The following ARL3 variants were observed in gnomAD, a reference collection of about 807,000 sequenced individuals.
The protein encoded by ARL3 is ADP-ribosylation factor-like protein 3.
A neutral mutation model predicts 26.0 loss-of-function variants in ARL3; 9 were observed. The observed-to-expected ratio is 0.35, with a 90% CI of 0.21 to 0.60. The LOEUF is 0.60. ARL3 is among the 20% of genes least tolerant of loss of function. The pLI, the probability that ARL3 is intolerant of heterozygous loss-of-function variation, is 0.78. For missense variants in ARL3, 158 were observed against 215.7 expected, an observed-to-expected ratio of 0.73 and a Z score of 1.67; for synonymous variants, 71 against 78.4, an observed-to-expected ratio of 0.91 and a Z score of 0.50.
chr10:102,693,997 AT>A (rs944647781), intron 3 of ARL3, among the ~76,000 whole-genome samples: 1 of 150,632 alleles, frequency 6.6e-6, no homozygotes, highest in African/African-American at 2.4e-5. Context: ...ATTTTTATTT[AT>A]TTTTTTTGAG....
At chr10:102,682,653 C>T (rs920124447) in intron 5 of ARL3, among the ~76,000 whole-genome samples, 15 of 152,232 alleles carry the variant, frequency 9.9e-5, no homozygotes, top group African/African-American at 2.9e-4. Context: ...AGCTCCATGG[C>T]TGTTTCCTTA....
intron 1 of ARL3, among the ~76,000 whole-genome samples, chr10:102,706,252 C>T (rs1253372414): frequency 1.3e-5 from 2 of 152,194 alleles, no homozygotes; most frequent in South Asian, 2.1e-4. Flanking sequence ...GAGATCGAGA[C>T]CATCCTGGCT....
chr10:102,714,282 G>A lies in ARL3; in HGVS notation c.-7C>T. On this transcript the variant is annotated 5_prime_UTR_variant, in exon 1 of 6. Transcript: ENST00000260746. ...AGGCCCCCACACTCACCATCCTCCC[G>A]CCGAGTCCCTCCTCCTCCTCCTCCT... is the stretch of plus-strand genomic sequence containing the variant. The A allele has an allele frequency of 7.6e-7, 1 of 1,312,702 alleles. No homozygotes were observed. Among genetic ancestry groups the A allele is most frequent in the Non-Finnish European group, 9.8e-7 (1 of 1,022,314 alleles). The allele number at this position is 1,312,702 out of a possible 1,614,324, so 81.3% of individuals were successfully genotyped here.
intron 5 of ARL3, among the ~76,000 whole-genome samples, chr10:102,682,765 T>C (rs2064161917): frequency 6.6e-6 from 1 of 152,260 alleles, no homozygotes; most frequent in Non-Finnish European, 1.5e-5. Context: ...CTTTAAACAC[T>C]TGAAACTGCA....
At chr10:102,701,977 G>A (rs2064281967) in intron 2 of ARL3, among the ~76,000 whole-genome samples, 1 of 148,626 alleles carries the variant, frequency 6.7e-6, no homozygotes, top group South Asian at 2.1e-4. Context: ...GAGCCCAGGA[G>A]TTCAAGGCCA....
At chr10:102,682,116 A>T (rs1035292521) in intron 5 of ARL3, among the ~76,000 whole-genome samples, 1 of 152,170 alleles carries the variant, frequency 6.6e-6, no homozygotes, top group African/African-American at 2.4e-5. Flanking sequence ...CACTTCCTCC[A>T]TGTTGATAAT....
intron 1 of ARL3, among the ~76,000 whole-genome samples, chr10:102,711,034 A>T (rs1231613341): frequency 6.6e-6 from 1 of 152,240 alleles, no homozygotes; most frequent in African/African-American, 2.4e-5. Flanking sequence ...CGAAGCCAAC[A>T]GTCAAGTACA....
At chr10:102,690,824 A>G (rs747090429) in intron 3 of ARL3, among the ~76,000 whole-genome samples, 66 of 151,754 alleles carry the variant, frequency 4.3e-4, no homozygotes, top group Non-Finnish European at 8.8e-4. Context: ...GATGTTCTCA[A>G]TGTCGTCTTC....
intron 2 of ARL3, among the ~76,000 whole-genome samples, chr10:102,703,808 G>C (rs2064294007): frequency 1.3e-5 from 2 of 151,888 alleles, no homozygotes. Flanking sequence ...TGCTTTGCTT[G>C]CTTGCCCTTT....
At chr10:102,700,479 T>C (rs2064274054) in intron 2 of ARL3, among the ~76,000 whole-genome samples, 1 of 151,210 alleles carries the variant, frequency 6.6e-6, no homozygotes, top group Admixed American at 6.6e-5. Flanking sequence ...TTCATTTTTT[T>C]TTTGAGACAG....
intron 1 of ARL3, among the ~76,000 whole-genome samples, chr10:102,706,695 A>G (rs2064312721): frequency 1.3e-5 from 2 of 151,796 alleles, no homozygotes; most frequent in African/African-American, 2.4e-5. Context: ...TGTTAATCTA[A>G]TATTTCCCTC....
rs2064131639 is a variant in ARL3, at chr10:102,676,526, C to CT, written c.*367dup. 5.8e-6 allele frequency: 1 copy of CT among 172,596 alleles called. No homozygotes were observed. The highest frequency in any genetic ancestry group is 1.2e-5 in the Non-Finnish European group (1 of 81,606). The allele number at this position is 172,596 out of a possible 1,614,324, so 10.7% of individuals were successfully genotyped here. A position where few individuals can be genotyped will look rare whatever the true frequency, so the allele number is the denominator to read the frequency against. On this transcript the variant is annotated 3_prime_UTR_variant, in exon 6 of 6. Transcript: ENST00000260746. ...GAACTCAGCAAAGCTGCTTCTTCCT[C>CT]TTTTTCTTTTTCTTTTTTTTTTTTT...
intron 3 of ARL3, among the ~76,000 whole-genome samples, chr10:102,695,853 T>C (rs1373001908): frequency 6.6e-6 from 1 of 152,014 alleles, no homozygotes; most frequent in Non-Finnish European, 1.5e-5. Flanking sequence ...TATTTTTTTG[T>C]TTTTTTCTGA....
chr10:102,684,143 TTCTC>T (rs796377756), intron 5 of ARL3, among the ~76,000 whole-genome samples: 2 of 152,186 alleles, frequency 1.3e-5, no homozygotes, highest in East Asian at 1.9e-4. Context: ...GCTCTCAGCT[TTCTC>T]TCTCTTTTTT....
intron 1 of ARL3, among the ~76,000 whole-genome samples, chr10:102,708,338 AG>A (rs1267602093): frequency 3.9e-5 from 6 of 152,280 alleles, no homozygotes; most frequent in Admixed American, 3.9e-4. Context: ...TGAGATCCTT[AG>A]GGGACTGGTG....
chr10:102,711,620 G>T (rs2064341393), intron 1 of ARL3, among the ~76,000 whole-genome samples: 1 of 152,072 alleles, frequency 6.6e-6, no homozygotes, highest in Admixed American at 6.6e-5. Flanking sequence ...AGCCGGGCGT[G>T]GTGGCGGGCG....
At chr10:102,696,847 G>A (rs533796124) in intron 3 of ARL3, among the ~76,000 whole-genome samples, 105 of 152,262 alleles carry the variant, frequency 6.9e-4, no homozygotes, top group Middle Eastern at 6.8e-3. Flanking sequence ...CTTACCAGCC[G>A]CTGAAGTGGA....
intron 1 of ARL3, among the ~76,000 whole-genome samples, chr10:102,711,459 A>T: frequency 6.6e-6 from 1 of 151,948 alleles, no homozygotes. Context: ...TTCAGCTAGA[A>T]AATAGGAACA....
chr10:102,687,990 G>C (rs569766644), intron 4 of ARL3, among the ~76,000 whole-genome samples: 1 of 152,248 alleles, frequency 6.6e-6, no homozygotes, highest in East Asian at 1.9e-4. Context: ...TTACTTTAGA[G>C]ATAATTCTGT....
Sources: allele counts gnomAD v4.1 joint callset (sites outside exome capture counted in the v4.1 genomes callset), GRCh38; gene constraint gnomAD v4.1.1; transcripts MANE v1.5; gene names NCBI Gene and HGNC (gene_info 2026-07-23, HGNC 2026-07-21).